SYNE1: variants seen among roughly 807,000 people sequenced by gnomAD.
SYNE1 encodes spectrin repeat containing nuclear envelope protein 1.
A neutral mutation model predicts 1,111.0 loss-of-function variants in SYNE1; 616 were observed. The observed-to-expected ratio is 0.55, with a 90% CI of 0.52 to 0.59. The LOEUF is 0.59. Ranked by LOEUF, SYNE1 falls within the 20% of genes least tolerant of loss-of-function variation. The pLI is 0.00. For synonymous variants in SYNE1, 3,855 were observed against 3,825.8 expected (o/e 1.01, Z -0.28); for missense variants, 10,006 against 10,417.0 (o/e 0.96, Z 1.72).
Position 152,437,409 on chromosome 6 carries a change from G to A in SYNE1, c.4150-1308C>T, listed in dbSNP as rs544865956. ...ATAATCCTTTTCTTAGAAGGTTACT[G>A]TTAGCATTCTATTAGCAATCTTACT... On this transcript the variant is annotated intron_variant, in intron 32 of 145. Transcript: ENST00000367255. 3.3e-5 allele frequency among the ~76,000 whole-genome samples: 5 copies of A among 152,210 alleles called. No homozygotes were observed. In the East Asian group the frequency reaches 9.7e-4, roughly 29 times the overall value.
chr6:152,242,116 A>G (rs1025399321), intron 107 of SYNE1, 124 bp downstream of exon 107: 44 of 1,010,534 alleles, frequency 4.4e-5, no homozygotes, highest in Non-Finnish European at 6.2e-5. Flanking sequence ...TTTTTAAAGA[A>G]TAACTTATAC....
In SYNE1 at chr6:152,435,976, T is replaced by C. The variant is rs2154214696; in HGVS notation, c.4275A>G (p.Glu1425=). Reference sequence around the variant, plus strand: ...GCGTGTCTTCTAATTTTTTGACTTGTTCTTTGATTGACTTGGCCTGCTGTT... The same window carrying C: ...GCGTGTCTTCTAATTTTTTGACTTGCTCTTTGATTGACTTGGCCTGCTGTT... ...LLQQQAKSIK[E]QVKKLEDTLE... is the part of the protein sequence containing the mutation. Residue 1425 remains glutamate (E), a synonymous_variant, in exon 33 of 146, where the codon GAA becomes GAG. Coordinates refer to ENST00000367255, the MANE Select transcript of SYNE1 (RefSeq NM_182961.4). 1 of 1,614,168 alleles carries C rather than the reference T, an allele frequency of 6.2e-7. No individual in the cohort carries two copies. Among genetic ancestry groups the C allele is most frequent in the Non-Finnish European group, 8.5e-7 (1 of 1,180,018 alleles).
In SYNE1 at chr6:152,230,632, C is replaced by A. The variant is rs760247873; in HGVS notation, c.21110G>T (p.Trp7037Leu). 6.2e-7 allele frequency: 1 copy of A among 1,613,988 alleles called. No individual in the cohort carries two copies. Among genetic ancestry groups the A allele is most frequent in the South Asian group, 1.1e-5 (1 of 91,078 alleles). The change falls in exon 115 of 146, where the codon TGG becomes TTG. Residue 7037 changes from tryptophan to leucine, a missense_variant. Around this residue, in one of 7 missense-constraint regions of SYNE1, gnomAD observed 2,182 missense variants for 2,287.8 expected, o/e 0.95. Coordinates refer to ENST00000367255, the MANE Select transcript of SYNE1 (RefSeq NM_182961.4). ...YENNVQCLKT[W>L]FETQEKRLKQ... ...TAGTCTCTTTTCCTGGGTTTCAAAC[C>A]ATGTTTTCAGACATTGTACATTATT...
At chr6:152,620,474 G>A (rs1229753524) in intron 3 of SYNE1, among the ~76,000 whole-genome samples, 1 of 152,050 alleles carries the variant, frequency 6.6e-6, no homozygotes, top group African/African-American at 2.4e-5. Context: ...AAATCTACCA[G>A]GTATCTAAAA....
chr6:152,213,939 G>A lies in SYNE1; in HGVS notation c.22347-180C>T, dbSNP rs545062182. On this transcript the variant is annotated intron_variant, in intron 122 of 145. Transcript: ENST00000367255. ...AAAGAGGCCAGTTGCAGTGGCTCAC[G>A]CCTGTAATCCCAACACTTTGGGAGA... Among the ~76,000 whole-genome samples the A allele has an allele frequency of 4.6e-5, 7 of 152,258 alleles. 1 individual carries two copies. The South Asian group carries it at 1.2e-3, about 27-fold the overall frequency.
At chr6:152,363,599 G>A (rs947113801) in intron 63 of SYNE1, 7 of 203,626 alleles carry the variant, frequency 3.4e-5, no homozygotes, top group African/African-American at 1.7e-4. Context: ...CCAGGTTTTG[G>A]GTCCTTTTGT....
intron 13 of SYNE1, among the ~76,000 whole-genome samples, 155 bp downstream of exon 13, chr6:152,484,680 G>C: frequency 6.6e-6 from 1 of 152,202 alleles, no homozygotes; most frequent in Non-Finnish European, 1.5e-5. Flanking sequence ...AGGAAAACTA[G>C]ACAAGGAGGC....
intron 56 of SYNE1, among the ~76,000 whole-genome samples, chr6:152,378,888 T>C (rs1683186275): frequency 6.6e-6 from 1 of 152,210 alleles, no homozygotes. Context: ...TGACATTCTC[T>C]TGGTTTGTCA....
At chr6:152,223,357 C>T (rs1178397682) in intron 117 of SYNE1, among the ~76,000 whole-genome samples, 1 of 152,162 alleles carries the variant, frequency 6.6e-6, no homozygotes, top group Non-Finnish European at 1.5e-5. Flanking sequence ...CATGGTGGCT[C>T]ATGCCTGTAA....
chr6:152,479,983 A>C (rs2098875220), intron 14 of SYNE1, among the ~76,000 whole-genome samples: 1 of 152,228 alleles, frequency 6.6e-6, no homozygotes, highest in Non-Finnish European at 1.5e-5. Flanking sequence ...GAAAAAAACC[A>C]AGCATTGTAA....
intron 127 of SYNE1, among the ~76,000 whole-genome samples, chr6:152,191,901 A>G (rs1380583814): frequency 6.6e-6 from 1 of 152,016 alleles, no homozygotes; most frequent in African/African-American, 2.4e-5. Context: ...CTTCCATCTT[A>G]GTACTGCTTT....
intron 100 of SYNE1, among the ~76,000 whole-genome samples, chr6:152,266,430 G>A (rs2092702912): frequency 6.6e-6 from 1 of 152,170 alleles, no homozygotes. Flanking sequence ...GACCTGGAAT[G>A]TAACGTGAAG....
chr6:152,222,450 A>G (rs1183925653), intron 117 of SYNE1, among the ~76,000 whole-genome samples: 4 of 152,244 alleles, frequency 2.6e-5, no homozygotes, highest in African/African-American at 9.6e-5. Context: ...ACTCCCGAAG[A>G]TGAAGACTCT....
intron 12 of SYNE1, among the ~76,000 whole-genome samples, chr6:152,487,183 A>G (rs1470477601): frequency 6.6e-6 from 1 of 152,118 alleles, no homozygotes; most frequent in Non-Finnish European, 1.5e-5. Flanking sequence ...TCCATTAGCT[A>G]TTCTTCCTGA....
chr6:152,151,479 C>T (rs2060405984), intron 135 of SYNE1, 74 bp downstream of exon 135: 3 of 1,588,474 alleles, frequency 1.9e-6, no homozygotes. Context: ...TTGCTATGTT[C>T]TTCACAAAAG....
At chr6:152,361,183 G>C (rs2096924387) in intron 64 of SYNE1, among the ~76,000 whole-genome samples, 1 of 152,204 alleles carries the variant, frequency 6.6e-6, no homozygotes. Flanking sequence ...GAAGATTGTG[G>C]CATGTTCAGG....
chr6:152,634,004 A>G (rs1286113209), intron 2 of SYNE1, among the ~76,000 whole-genome samples: 1 of 152,266 alleles, frequency 6.6e-6, no homozygotes, highest in African/African-American at 2.4e-5. Flanking sequence ...ACTCCCTGTG[A>G]AAAAACACAG....
chr6:152,232,931 G>A (rs1348405463), intron 112 of SYNE1, among the ~76,000 whole-genome samples: 3 of 152,192 alleles, frequency 2.0e-5, no homozygotes, highest in African/African-American at 7.2e-5. Context: ...CCTGCCCTCT[G>A]GGGGCGCACA....
rs748814104 is a variant in SYNE1, at chr6:152,416,782, G to T, written c.5655C>A (p.Arg1885=). Residue 1885 remains arginine (R), a synonymous_variant, in exon 41 of 146, where the codon CGC becomes CGA. Transcript: ENST00000367255. The part of the protein sequence containing the change: ...QSHASLSGIL[R]QLRQTVEATN... ...TTGCTTCCACTGTTTGCCTCAGCTG[G>T]CGGAGAATGCCGGACAGAGAGGCAT... The T allele has an allele frequency of 2.5e-6, 4 of 1,614,038 alleles. No individual in the cohort carries two copies. In the African/African-American group the frequency reaches 5.3e-5, roughly 22 times the overall value.
Sources: allele counts gnomAD v4.1 joint callset (sites outside exome capture counted in the v4.1 genomes callset), GRCh38; gene constraint gnomAD v4.1.1; regional missense constraint gnomAD v4.1.1; transcripts MANE v1.5; gene names NCBI Gene and HGNC (gene_info 2026-07-23, HGNC 2026-07-21).